SEMA3A: variants seen among roughly 807,000 people sequenced by gnomAD.
The protein encoded by SEMA3A is semaphorin 3A, also known as semaphorin-3A.
Under a neutral mutation model 97.9 loss-of-function variants are expected in SEMA3A, and 29 were observed. The ratio of observed to expected loss-of-function variants is 0.30; its 90% CI spans 0.22 to 0.40. The LOEUF (loss-of-function observed/expected upper bound fraction) is 0.40, where lower values mean the gene tolerates loss of function less well. Among genes scored for constraint, SEMA3A ranks in the 10% least tolerant of loss-of-function variants. The probability of loss-of-function intolerance (pLI) is 1.00; values close to 1 mark genes in which losing one functional copy is unlikely to be tolerated. For synonymous variants in SEMA3A, 321 were observed against 323.7 expected (o/e 0.99, Z 0.09); for missense variants, 763 against 951.3 (o/e 0.80, Z 2.60).
chr7:84,022,734 A>G (rs1281380156), intron 6 of SEMA3A, among the ~76,000 whole-genome samples: 5 of 152,260 alleles, frequency 3.3e-5, no homozygotes, highest in Admixed American at 3.3e-4. Flanking sequence ...TCACTGCCAT[A>G]AAACTGCAAT....
In SEMA3A at chr7:84,227,398, C is replaced by T. The variant is rs151104464; in HGVS notation, c.-82-32730G>A. 1.5e-3 allele frequency among the ~76,000 whole-genome samples: 228 copies of T among 151,946 alleles called. 1 individual carries two copies. Among genetic ancestry groups the T allele is most frequent in the African/African-American group, 5.3e-3 (218 of 41,448 alleles). ...CTCATTTCTTGAAACAACAGCAAAACTAAAAATACATTTTTTTTTGCTTTA... is the reference window on the plus strand; with the variant it reads ...CTCATTTCTTGAAACAACAGCAAAATTAAAAATACATTTTTTTTTGCTTTA... On this transcript the variant is annotated intron_variant, in intron 3 of 3. Coordinates refer to the SEMA3A transcript ENST00000424555.
At position 83,965,969 on chromosome 7, in the gene SEMA3A, G is replaced by A. The variant is rs187881419; in HGVS notation, c.1718-2622C>T. On this transcript the variant is annotated intron_variant, in intron 15 of 16. Transcript: ENST00000265362. ...GCTGGGATTACAGGTGTGAGCCACC[G>A]CGCCCAGCCACCAATGGGTGCATTA... 1.9e-3 allele frequency among the ~76,000 whole-genome samples: 279 copies of A among 150,060 alleles called. 1 individual carries two copies. The highest frequency in any genetic ancestry group is 3.0e-3 in the Non-Finnish European group (200 of 67,504).
chr7:84,282,121 T>C (rs1800452521), intron 3 of SEMA3A, among the ~76,000 whole-genome samples: 1 of 152,274 alleles, frequency 6.6e-6, no homozygotes, highest in East Asian at 1.9e-4. Context: ...AATTCCACCA[T>C]CTGTGCATAT....
rs71078831 is a variant in SEMA3A at position 84,443,880 on chromosome 7, CTTTTTTTTTTTT to C, written c.-246+48568_-246+48579del. Among the ~76,000 whole-genome samples, 1,939 of 92,492 alleles carry C rather than the reference CTTTTTTTTTTTT, an allele frequency of 0.021. 101 individuals carry two copies. In the East Asian group the frequency reaches 0.22, roughly 11 times the overall value. The allele number at this position is 92,492 out of a possible 152,430, so 60.7% of individuals were successfully genotyped here. ...GTAGCCATTTTGATTGTGCTTTGTC[CTTTTTTTTTTTT>C]TTTTTTTTTTTTGAGACAGAGTCTC... On this transcript the variant is annotated intron_variant, in intron 1 of 3. Transcript: ENST00000424555.
intron 14 of SEMA3A, 96 bp downstream of exon 14, chr7:83,981,223 GAA>G: frequency 7.4e-7 from 1 of 1,345,254 alleles, no homozygotes; most frequent in Admixed American, 2.0e-5. Flanking sequence ...TTATTCATTA[GAA>G]AAAGTTGATG....
chr7:84,065,937 T>C (rs1421228497), intron 4 of SEMA3A, among the ~76,000 whole-genome samples: 3 of 151,606 alleles, frequency 2.0e-5, no homozygotes, highest in African/African-American at 4.9e-5. Context: ...AGCATCATTC[T>C]GATACCAAAG....
intron 3 of SEMA3A, among the ~76,000 whole-genome samples, chr7:84,256,641 G>A (rs931198954): frequency 1.3e-5 from 2 of 152,006 alleles, no homozygotes; most frequent in African/African-American, 4.8e-5. Context: ...AATGTACAAC[G>A]GGATGGAAAA....
At chr7:84,425,545 A>C (rs1383665859) in intron 1 of SEMA3A, among the ~76,000 whole-genome samples, 5 of 145,168 alleles carry the variant, frequency 3.4e-5, no homozygotes, top group Non-Finnish European at 7.5e-5. Context: ...TATTTATATG[A>C]ATATAAACAT....
rs112434696 is a variant in SEMA3A, at chr7:84,313,702, C to T, written c.-168-6410G>A. 4.0e-5 allele frequency among the ~76,000 whole-genome samples: 6 copies of T among 151,642 alleles called. 1 individual carries two copies. The highest frequency in any genetic ancestry group is 1.2e-4 in the African/African-American group (5 of 41,420). On this transcript the variant is annotated intron_variant, in intron 2 of 3. Transcript: ENST00000424555. ...TCTGAAGTTCTGTTGTCATCCTAAG[C>T]GACAGAATCCAATTTTGAAAGTAAA...
chr7:84,481,409 G>A (rs1021204192), intron 1 of SEMA3A, among the ~76,000 whole-genome samples: 10 of 152,120 alleles, frequency 6.6e-5, no homozygotes, highest in African/African-American at 9.7e-5. Flanking sequence ...AATGCTTTAA[G>A]TATATTATTC....
chr7:84,218,683 ATAGG>A (rs1457966455), intron 3 of SEMA3A, among the ~76,000 whole-genome samples: 1 of 152,124 alleles, frequency 6.6e-6, no homozygotes, highest in Non-Finnish European at 1.5e-5. Context: ...TGCATTGGTG[ATAGG>A]TAGGGATTTC....
At chr7:84,293,100 T>C (rs919175063) in intron 3 of SEMA3A, among the ~76,000 whole-genome samples, 7 of 152,060 alleles carry the variant, frequency 4.6e-5, no homozygotes, top group Non-Finnish European at 1.0e-4. Context: ...TGCAGGGTGA[T>C]GGATAAGGAA....
intron 1 of SEMA3A, among the ~76,000 whole-genome samples, chr7:84,410,621 A>G (rs548433524): frequency 2.6e-5 from 4 of 152,276 alleles, no homozygotes; most frequent in Admixed American, 1.3e-4. Context: ...AGAATATGTC[A>G]AGCCACCCCA....
intron 14 of SEMA3A, among the ~76,000 whole-genome samples, chr7:83,977,701 T>C (rs1002733436): frequency 1.1e-4 from 16 of 152,160 alleles, no homozygotes; most frequent in African/African-American, 3.4e-4. Context: ...AAATAGACTT[T>C]TGCTAAATTT....
intron 3 of SEMA3A, among the ~76,000 whole-genome samples, chr7:84,233,572 A>G (rs1448889955): frequency 6.6e-6 from 1 of 151,988 alleles, no homozygotes; most frequent in East Asian, 1.9e-4. Flanking sequence ...TACATTAATA[A>G]AGGAATTTTA....
At chr7:84,264,598 C>G (rs923151795) in intron 3 of SEMA3A, among the ~76,000 whole-genome samples, 1 of 152,154 alleles carries the variant, frequency 6.6e-6, no homozygotes. Context: ...AAATGCTCAT[C>G]ATAACCAAAC....
chr7:84,186,375 T>C (rs12707626), intron 1 of SEMA3A, among the ~76,000 whole-genome samples: 9,569 of 152,238 alleles, frequency 0.063, 349 homozygotes, highest in African/African-American at 0.092. Context: ...AAATAGTTAA[T>C]AATGGTGCTT....
chr7:84,407,079 G>A (rs1804114353), intron 1 of SEMA3A, among the ~76,000 whole-genome samples: 1 of 152,044 alleles, frequency 6.6e-6, no homozygotes, highest in Non-Finnish European at 1.5e-5. Context: ...GGAAATAAAG[G>A]GTATTCAATT....
intron 3 of SEMA3A, among the ~76,000 whole-genome samples, chr7:84,123,544 C>T (rs544644608): frequency 4.4e-4 from 66 of 151,330 alleles, no homozygotes; most frequent in African/African-American, 1.5e-3. Flanking sequence ...TTCAGTTCTA[C>T]AAGAGAAAAT....
Sources: allele counts gnomAD v4.1 joint callset (sites outside exome capture counted in the v4.1 genomes callset), GRCh38; gene constraint gnomAD v4.1.1; transcripts MANE v1.5; gene names NCBI Gene and HGNC (gene_info 2026-07-23, HGNC 2026-07-21).